RAD51B: variants seen among roughly 807,000 people sequenced by gnomAD.
The protein encoded by RAD51B is RAD51 paralog B.
In RAD51B, 38 loss-of-function variants were observed where a neutral mutation model predicts 42.2. The ratio of observed to expected loss-of-function variants is 0.90; its 90% CI spans 0.70 to 1.18. RAD51B has a LOEUF of 1.18. RAD51B is among the 50% of genes most tolerant of loss of function. The pLI, the probability that RAD51B is intolerant of heterozygous loss-of-function variation, is 0.00. For missense variants in RAD51B, 373 were observed against 400.7 expected, an observed-to-expected ratio of 0.93 and a Z score of 0.59; for synonymous variants, 154 against 145.2, an observed-to-expected ratio of 1.06 and a Z score of -0.43.
At chr14:67,953,486 G>T (rs1201445160) in intron 7 of RAD51B, among the ~76,000 whole-genome samples, 3 of 152,134 alleles carry the variant, frequency 2.0e-5, no homozygotes, top group African/African-American at 4.8e-5. Flanking sequence ...TAGCAGTGGG[G>T]AGTCCATGAA....
intron 7 of RAD51B, among the ~76,000 whole-genome samples, chr14:68,228,100 G>T (rs2080077829): frequency 6.6e-6 from 1 of 152,144 alleles, no homozygotes; most frequent in African/African-American, 2.4e-5. Flanking sequence ...TAAATAAATT[G>T]TCCAAGATTA....
intron 10 of RAD51B, among the ~76,000 whole-genome samples, chr14:68,623,298 A>C (rs1297038495): frequency 1.3e-5 from 2 of 152,166 alleles, no homozygotes; most frequent in Admixed American, 1.3e-4. Context: ...ACTCTCCCAG[A>C]ACTCAAAACA....
At chr14:68,291,354 C>A (rs2081513573) in intron 7 of RAD51B, among the ~76,000 whole-genome samples, 1 of 151,976 alleles carries the variant, frequency 6.6e-6, no homozygotes, top group South Asian at 2.1e-4. Flanking sequence ...CAGACATGTG[C>A]CACCATGCCT....
At chr14:67,836,690 C>A (rs903049322) in intron 4 of RAD51B, among the ~76,000 whole-genome samples, 1 of 152,122 alleles carries the variant, frequency 6.6e-6, no homozygotes, top group Non-Finnish European at 1.5e-5. Context: ...GTCTCAAACT[C>A]CTGGCCTCAG....
intron 7 of RAD51B, among the ~76,000 whole-genome samples, chr14:68,199,403 A>G (rs1318631068): frequency 6.6e-6 from 1 of 152,220 alleles, no homozygotes; most frequent in East Asian, 1.9e-4. Context: ...CAGACTGCTC[A>G]TTCTTTCATC....
intron 10 of RAD51B, among the ~76,000 whole-genome samples, chr14:68,644,012 C>A (rs1892517036): frequency 6.6e-6 from 1 of 152,204 alleles, no homozygotes; most frequent in Non-Finnish European, 1.5e-5. Flanking sequence ...CACTCTGCTA[C>A]AACCTGCTTC....
intron 9 of RAD51B, among the ~76,000 whole-genome samples, chr14:68,428,542 A>G (rs1414193422): frequency 6.6e-6 from 1 of 151,410 alleles, no homozygotes; most frequent in African/African-American, 2.4e-5. Flanking sequence ...CACTTCTCCC[A>G]ATCCCTGGAA....
At chr14:68,479,586 T>C (rs1384778875), downstream of RAD51B, among the ~76,000 whole-genome samples, 1 of 152,078 alleles carries the variant, frequency 6.6e-6, no homozygotes, top group African/African-American at 2.4e-5. Flanking sequence ...TACTTCTGCC[T>C]GACTGTCTAC....
chr14:68,599,112 G>A (rs755739929), downstream of RAD51B, among the ~76,000 whole-genome samples: 2 of 152,116 alleles, frequency 1.3e-5, no homozygotes, highest in African/African-American at 2.4e-5. Flanking sequence ...GGCCCACTGC[G>A]GTGCTGACCG....
At chr14:68,440,155 A>G (rs753041770) in intron 9 of RAD51B, among the ~76,000 whole-genome samples, 12 of 152,252 alleles carry the variant, frequency 7.9e-5, no homozygotes, top group Non-Finnish European at 1.5e-4. Flanking sequence ...AGATTGATCT[A>G]AATCATAATA....
At chr14:68,332,607 A>G (rs553382181) in intron 8 of RAD51B, among the ~76,000 whole-genome samples, 1 of 152,318 alleles carries the variant, frequency 6.6e-6, no homozygotes, top group South Asian at 2.1e-4. Context: ...GCTTATAACT[A>G]TGTATTCACT....
At chr14:67,924,485 T>C (rs2044435099) in intron 7 of RAD51B, among the ~76,000 whole-genome samples, 1 of 152,228 alleles carries the variant, frequency 6.6e-6, no homozygotes, top group African/African-American at 2.4e-5. Context: ...AGAGGTTTAA[T>C]TGGACTTATA....
chr14:67,893,516 A>AAAACAAC (rs1485994919), intron 7 of RAD51B, among the ~76,000 whole-genome samples: 1 of 102,840 alleles, frequency 9.7e-6, no homozygotes, highest in African/African-American at 3.8e-5. Context: ...ACACAAAAAA[A>AAAACAAC]AACAATTAGC....
rs1185603767 is a variant in RAD51B at position 68,190,014 on chromosome 14, T to C, written c.757-101870T>C. ...AATATTCCTTTTGAAAGATGCTTTT[T>C]ACCATTGCTAAAGAAGTGGAATGAT... On this transcript the variant is annotated intron_variant, in intron 7 of 10. Coordinates refer to ENST00000471583, the MANE Select transcript of RAD51B (RefSeq NM_133510.4). Among the ~76,000 whole-genome samples the C allele has an allele frequency of 2.6e-5, 4 of 152,346 alleles. No homozygotes were observed. In the East Asian group the frequency reaches 7.7e-4, roughly 29 times the overall value.
chr14:67,897,480 A>G (rs1394467061), intron 7 of RAD51B, among the ~76,000 whole-genome samples: 1 of 152,184 alleles, frequency 6.6e-6, no homozygotes, highest in Admixed American at 6.6e-5. Context: ...TCAAAAGAAG[A>G]CATACATATG....
intron 7 of RAD51B, among the ~76,000 whole-genome samples, chr14:67,946,840 C>T (rs1001449234): frequency 1.3e-5 from 2 of 152,114 alleles, no homozygotes; most frequent in Admixed American, 1.3e-4. Context: ...CATATGTTCT[C>T]CTGAGGAACA....
At chr14:68,056,608 G>A (rs1168642520) in intron 7 of RAD51B, among the ~76,000 whole-genome samples, 1 of 151,410 alleles carries the variant, frequency 6.6e-6, no homozygotes, top group Non-Finnish European at 1.5e-5. Flanking sequence ...AATTAGCCAG[G>A]CGTGGTGATG....
intron 7 of RAD51B, among the ~76,000 whole-genome samples, chr14:68,255,692 A>G (rs1462365795): frequency 6.6e-6 from 1 of 152,230 alleles, no homozygotes; most frequent in Non-Finnish European, 1.5e-5. Flanking sequence ...TGCCCATACC[A>G]TGATCTCACC....
intron 11 of RAD51B, among the ~76,000 whole-genome samples, chr14:68,674,701 C>G (rs764013930): frequency 5.2e-4 from 79 of 152,050 alleles, no homozygotes; most frequent in Non-Finnish European, 1.0e-3. Context: ...AATATACACC[C>G]CTAAGTATAA....
Sources: allele counts gnomAD v4.1 joint callset (sites outside exome capture counted in the v4.1 genomes callset), GRCh38; gene constraint gnomAD v4.1.1; transcripts MANE v1.5; gene names NCBI Gene and HGNC (gene_info 2026-07-23, HGNC 2026-07-21).